LPIN1: variants seen among roughly 807,000 people sequenced by gnomAD.
LPIN1 encodes the protein lipin 1.
Under a neutral mutation model 107.5 loss-of-function variants are expected in LPIN1, and 71 were observed. The observed-to-expected ratio is 0.66, with a 90% CI of 0.55 to 0.80. LPIN1 has a LOEUF of 0.80. Ranked by LOEUF, LPIN1 falls within the 30% of genes least tolerant of loss-of-function variation. The probability of loss-of-function intolerance (pLI) is 0.00; values close to 1 mark genes in which losing one functional copy is unlikely to be tolerated. For synonymous variants in LPIN1, 445 were observed against 452.6 expected, an observed-to-expected ratio of 0.98 and a Z score of 0.21; for missense variants, 1,043 against 1,160.6, an observed-to-expected ratio of 0.90 and a Z score of 1.47.
At chr2:11,730,062 C>T (rs1665036876) in intron 1 of LPIN1, among the ~76,000 whole-genome samples, 1 of 151,694 alleles carries the variant, frequency 6.6e-6, no homozygotes, top group South Asian at 2.1e-4. Context: ...TTATTTATTC[C>T]ACCCTACTCT....
upstream of LPIN1, among the ~76,000 whole-genome samples, chr2:11,720,723 C>T (rs924872240): frequency 1.3e-5 from 2 of 151,758 alleles, no homozygotes; most frequent in Non-Finnish European, 2.9e-5. Flanking sequence ...CAGTGGCTGC[C>T]GACATGTGGT....
At chr2:11,724,269 C>G, upstream of LPIN1, 1 of 871,012 alleles carries the variant, frequency 1.1e-6, no homozygotes, top group Non-Finnish European at 1.4e-6. Context: ...ATGCTGATGT[C>G]ATAGTCCCCG....
At chr2:11,815,267 A>T (rs1438695198) in intron 18 of LPIN1, 27 bp downstream of exon 18, 2 of 1,613,200 alleles carry the variant, frequency 1.2e-6, no homozygotes, top group Non-Finnish European at 1.7e-6. Flanking sequence ...CTGCACCTCC[A>T]TCTGTGAGCC....
intron 14 of LPIN1, among the ~76,000 whole-genome samples, chr2:11,801,961 G>A (rs540358140): frequency 2.0e-5 from 3 of 152,210 alleles, no homozygotes; most frequent in Admixed American, 1.3e-4. Flanking sequence ...AAAATAAGCT[G>A]GAGCTCTGTG....
chr2:11,693,096 G>A (rs1040231163), intron 1 of LPIN1, among the ~76,000 whole-genome samples: 2 of 152,172 alleles, frequency 1.3e-5, no homozygotes, highest in African/African-American at 2.4e-5. Flanking sequence ...CCGATAGGTG[G>A]AGCTAGAGAG....
rs769549239 is a variant in LPIN1, at chr2:11,805,058, C to T, written c.2163-12C>T. The T allele has an allele frequency of 6.4e-7, 1 of 1,554,200 alleles. No homozygotes were observed. Among genetic ancestry groups the T allele is most frequent in the African/African-American group, 1.4e-5 (1 of 73,472 alleles). On this transcript the variant is annotated splice_polypyrimidine_tract_variant and intron_variant, in intron 16 of 20. Transcript: ENST00000674199. ...ATTTTTACTTTATTTTTCTCTTTTC[C>T]TCTTCATTTAGATCAGATACTCTTG...
chr2:11,805,867 C>G (rs997880889), intron 17 of LPIN1, among the ~76,000 whole-genome samples: 1 of 152,130 alleles, frequency 6.6e-6, no homozygotes, highest in Admixed American at 6.5e-5. Flanking sequence ...GGTTCAGAGC[C>G]CTGCAGGGAT....
chr2:11,801,190 G>A (rs1229372698), intron 14 of LPIN1, among the ~76,000 whole-genome samples: 1 of 152,212 alleles, frequency 6.6e-6, no homozygotes, highest in Non-Finnish European at 1.5e-5. Flanking sequence ...ATGGAAAACA[G>A]TATGGAGATT....
At chr2:11,778,978 C>T (rs943586216) in intron 6 of LPIN1, among the ~76,000 whole-genome samples, 5 of 152,148 alleles carry the variant, frequency 3.3e-5, no homozygotes, top group Admixed American at 2.0e-4. Context: ...CCAACGTTAT[C>T]GAGTTTATTT....
In LPIN1 at chr2:11,803,463, G is replaced by A. The variant is rs142500381; in HGVS notation, c.2013+430G>A. On this transcript the variant is annotated intron_variant, in intron 15 of 20. Transcript: ENST00000674199. This position sits in a 1 kb window ranked among gnomAD's most constrained non-coding sequence, Gnocchi z 4.2. Reference sequence around the variant, plus strand: ...GAATTTAGAGAATTTCAGGTAACCAGGGGCATCACCTGGTCATGGTGTCCT... The same window carrying A: ...GAATTTAGAGAATTTCAGGTAACCAAGGGCATCACCTGGTCATGGTGTCCT... 6.6e-6 allele frequency among the ~76,000 whole-genome samples: 1 copy of A among 152,322 alleles called. No individual in the cohort carries two copies. The highest frequency in any genetic ancestry group is 2.4e-5 in the African/African-American group (1 of 41,570).
chr2:11,824,769 A>G lies in LPIN1; in HGVS notation c.2759A>G (p.Asp920Gly), dbSNP rs137991324. The G allele has an allele frequency of 6.2e-7, 1 of 1,614,214 alleles. No homozygotes were observed. The highest frequency in any genetic ancestry group is 8.5e-7 in the Non-Finnish European group (1 of 1,180,044). ...REPLPPFENQ[D>G]IHSASA The stretch of plus-strand genomic sequence containing the variant: ...CCACTGCCACCTTTTGAAAACCAGG[A>G]CATTCATTCTGCCTCAGCGTAAAAT... Residue 920 changes from aspartate (D) to glycine (G), a missense_variant, in exon 21 of 21, where the codon GAC (aspartate) becomes GGC (glycine). Asp to Gly is a moderately conservative substitution (Grantham distance 94). Coordinates refer to ENST00000674199, the MANE Select transcript of LPIN1 (RefSeq NM_001349206.2).
upstream of LPIN1, among the ~76,000 whole-genome samples, chr2:11,723,016 C>CT (rs1446988244): frequency 3.9e-5 from 6 of 152,198 alleles, no homozygotes; most frequent in African/African-American, 1.2e-4. Context: ...CTTTGTAGGA[C>CT]TCTGCAGTGA....
At chr2:11,715,472 A>C (rs1663674819) in intron 2 of LPIN1, among the ~76,000 whole-genome samples, 1 of 152,176 alleles carries the variant, frequency 6.6e-6, no homozygotes, top group African/African-American at 2.4e-5. Flanking sequence ...GGAGTGCAAA[A>C]TCTGGGCCAT....
At chr2:11,730,361 A>G (rs570969333) in intron 1 of LPIN1, among the ~76,000 whole-genome samples, 1 of 152,296 alleles carries the variant, frequency 6.6e-6, no homozygotes, top group South Asian at 2.1e-4. Context: ...TCTCCTGTGA[A>G]GGTTTTCATC....
chr2:11,681,295 G>T (rs1009163371), intron 1 of LPIN1, among the ~76,000 whole-genome samples: 2 of 152,200 alleles, frequency 1.3e-5, no homozygotes, highest in African/African-American at 4.8e-5. Context: ...CAAAGCTCCT[G>T]TTGAATTATA....
intron 1 of LPIN1, among the ~76,000 whole-genome samples, chr2:11,740,438 T>G (rs1472014710): frequency 1.3e-5 from 2 of 152,030 alleles, no homozygotes; most frequent in African/African-American, 4.8e-5. Flanking sequence ...CCCCGCACTT[T>G]GCGAGGTCGA....
chr2:11,697,565 C>T lies in LPIN1; in HGVS notation c.82-16191C>T, dbSNP rs979922161. Among the ~76,000 whole-genome samples, 3 of 152,122 alleles carry T rather than the reference C, an allele frequency of 2.0e-5. No homozygotes were observed. Among genetic ancestry groups the T allele is most frequent in the Non-Finnish European group, 4.4e-5 (3 of 68,024 alleles). ...CTTGGGTGCCCAGTGCTTGCTGAAC[C>T]GTGGTGACCTGCTGACTCCTTCCCT... is the stretch of plus-strand genomic sequence containing the variant. On this transcript the variant is annotated intron_variant, in intron 1 of 21. Transcript: ENST00000449576. This position sits in a 1 kb window ranked among gnomAD's most constrained non-coding sequence, Gnocchi z 4.6.
At chr2:11,704,408 G>A (rs1448662772) in intron 1 of LPIN1, among the ~76,000 whole-genome samples, 2 of 152,328 alleles carry the variant, frequency 1.3e-5, no homozygotes, top group Admixed American at 6.5e-5. Flanking sequence ...GAGGCAGAGC[G>A]GGGTAGCACA....
At chr2:11,718,461 C>T (rs1663899899) in intron 2 of LPIN1, among the ~76,000 whole-genome samples, 1 of 152,140 alleles carries the variant, frequency 6.6e-6, no homozygotes, top group African/African-American at 2.4e-5. Flanking sequence ...AAACTCCTGA[C>T]CTCAAGTGAT....
Sources: allele counts gnomAD v4.1 joint callset (sites outside exome capture counted in the v4.1 genomes callset), GRCh38; gene constraint gnomAD v4.1.1; non-coding constraint Gnocchi (gnomAD v3.1); transcripts MANE v1.5; gene names NCBI Gene and HGNC (gene_info 2026-07-23, HGNC 2026-07-21).